The following MARCHF8 variants were observed in gnomAD, a reference collection of about 807,000 sequenced individuals.
MARCHF8 encodes E3 ubiquitin-protein ligase MARCHF8.
A neutral mutation model predicts 51.6 loss-of-function variants in MARCHF8; 40 were observed. That is an observed-to-expected ratio of 0.77 (90% CI 0.60 to 1.01). MARCHF8 has a LOEUF of 1.01. Ranked by LOEUF, MARCHF8 falls within the 50% of genes least tolerant of loss-of-function variation. The pLI is 0.00. For missense variants in MARCHF8, 685 were observed against 708.6 expected, an observed-to-expected ratio of 0.97 and a Z score of 0.38; for synonymous variants, 263 against 280.3, an observed-to-expected ratio of 0.94 and a Z score of 0.62.
chr10:45,546,975 C>G (rs916166550), intron 1 of MARCHF8, among the ~76,000 whole-genome samples: 14 of 152,032 alleles, frequency 9.2e-5, no homozygotes, highest in African/African-American at 3.4e-4. Context: ...GTAGTCCCAG[C>G]TACTTGGGAG....
intron 2 of MARCHF8, among the ~76,000 whole-genome samples, chr10:45,523,185 C>G (rs759263270): frequency 1.1e-4 from 16 of 152,140 alleles, no homozygotes; most frequent in Non-Finnish European, 2.1e-4. Context: ...ACAACGATTA[C>G]AGGACACTAG....
intron 2 of MARCHF8, among the ~76,000 whole-genome samples, chr10:45,511,652 C>T (rs1055075073): frequency 2.0e-5 from 3 of 152,256 alleles, no homozygotes; most frequent in East Asian, 1.9e-4. Context: ...GCGAGTGATC[C>T]GCCAGCCTCG....
At position 45,461,364 on chromosome 10, in the gene MARCHF8, C is replaced by G. The variant is rs1564462521; in HGVS notation, c.1136G>C (p.Cys379Ser). The G allele has an allele frequency of 2.5e-6, 4 of 1,600,900 alleles. No homozygotes were observed. The Admixed American group carries it at 5.2e-5, about 21-fold the overall frequency. Residue 379 changes from cysteine to serine, a missense_variant, in exon 6 of 8, where the codon TGC becomes TCC. By Grantham distance (112) the Cys-to-Ser change is moderately radical. Coordinates refer to ENST00000453424, the MANE Select transcript of MARCHF8 (RefSeq NM_001282866.2). The stretch of plus-strand genomic sequence containing the variant: ...GAAGTGGAGGCTTCCTGTGCAGTGG[C>G]AGGGGGTGATCAGGGGGCTCTCATC... ...GDDESPLITP[C>S]HCTGSLHFVH...
At chr10:45,460,062 A>T (rs1168242358) in intron 6 of MARCHF8, among the ~76,000 whole-genome samples, 1 of 152,176 alleles carries the variant, frequency 6.6e-6, no homozygotes, top group Non-Finnish European at 1.5e-5. Context: ...GGCACCCAAT[A>T]AATTACAAGG....
chr10:45,583,521 TCA>T (rs2044578631), intron 1 of MARCHF8, among the ~76,000 whole-genome samples: 1 of 152,218 alleles, frequency 6.6e-6, no homozygotes, highest in African/African-American at 2.4e-5. Flanking sequence ...CATATATTCT[TCA>T]CACTCATCCC....
intron 1 of MARCHF8, among the ~76,000 whole-genome samples, chr10:45,533,568 C>A (rs1451563263): frequency 6.6e-6 from 1 of 152,100 alleles, no homozygotes. Context: ...TAAAACAAAG[C>A]AGTGCCACCA....
chr10:45,470,496 G>T (rs1843137583), intron 3 of MARCHF8, among the ~76,000 whole-genome samples: 1 of 152,138 alleles, frequency 6.6e-6, no homozygotes, highest in African/African-American at 2.4e-5. Flanking sequence ...ATTCCATTGG[G>T]CCTGTATTTA....
At chr10:45,547,597 A>G (rs548439315) in intron 1 of MARCHF8, among the ~76,000 whole-genome samples, 1 of 152,190 alleles carries the variant, frequency 6.6e-6, no homozygotes, top group African/African-American at 2.4e-5. Context: ...GATCAGGTGA[A>G]CCTAAAATAT....
At chr10:45,551,328 T>G (rs569707765) in intron 1 of MARCHF8, among the ~76,000 whole-genome samples, 8 of 152,148 alleles carry the variant, frequency 5.3e-5, no homozygotes, top group Non-Finnish European at 1.2e-4. Flanking sequence ...AGATTGGGAG[T>G]GGGAAGATAC....
chr10:45,496,772 A>T (rs553656343), intron 2 of MARCHF8, among the ~76,000 whole-genome samples: 21 of 151,894 alleles, frequency 1.4e-4, no homozygotes, highest in Non-Finnish European at 2.4e-4. Context: ...CTGTTAGAAA[A>T]ATATATATAT....
rs555154169 is a variant in MARCHF8 at position 45,529,293 on chromosome 10, A to G, written c.102+3817T>C. On this transcript the variant is annotated intron_variant, in intron 2 of 7. Transcript: ENST00000453424. Reference sequence around the variant, plus strand: ...TGACACTGGACCCATATCTCTCACCATATACAAAAATCAACTTAAGATGGA... The same window carrying G: ...TGACACTGGACCCATATCTCTCACCGTATACAAAAATCAACTTAAGATGGA... 2.0e-5 allele frequency among the ~76,000 whole-genome samples: 3 copies of G among 152,324 alleles called. No homozygotes were observed. The East Asian group carries it at 5.8e-4, about 29-fold the overall frequency.
chr10:45,465,457 T>G (rs1327102043), intron 3 of MARCHF8, among the ~76,000 whole-genome samples: 1 of 152,176 alleles, frequency 6.6e-6, no homozygotes, highest in Non-Finnish European at 1.5e-5. Context: ...GTCCCCACTC[T>G]TTCTAAGTAC....
At chr10:45,559,987 G>C (rs1006158123) in intron 1 of MARCHF8, among the ~76,000 whole-genome samples, 1 of 152,028 alleles carries the variant, frequency 6.6e-6, no homozygotes, top group Non-Finnish European at 1.5e-5. Flanking sequence ...CTTCCTCCCC[G>C]CAACACACAG....
intron 2 of MARCHF8, among the ~76,000 whole-genome samples, chr10:45,512,375 C>T (rs1217404694): frequency 1.9e-4 from 29 of 151,026 alleles, no homozygotes; most frequent in Admixed American, 5.9e-4. Flanking sequence ...CCAGGCCAGC[C>T]GCCCCGTCCA....
chr10:45,481,858 A>C (rs1040666707), intron 3 of MARCHF8, among the ~76,000 whole-genome samples: 2 of 152,352 alleles, frequency 1.3e-5, no homozygotes, highest in African/African-American at 4.8e-5. Context: ...AAAGGCATTC[A>C]AATTGGAAAA....
rs897509811 is a variant in MARCHF8 at position 45,461,001 on chromosome 10, A to T, written c.1269+230T>A. The T allele has an allele frequency of 1.4e-4, 54 of 388,032 alleles. 1 individual carries two copies. The highest frequency in any genetic ancestry group is 9.9e-4 in the African/African-American group (48 of 48,262). 24.0% of individuals were successfully genotyped at this position (388,032 alleles called of 1,614,324 possible). On this transcript the variant is annotated intron_variant, in intron 6 of 7. Transcript: ENST00000453424. ...CTGACACCGACAAGCAAGCAGTCTT[A>T]CTTTGAAGGGAAAAGAAGGATTATG...
At chr10:45,567,182 C>G (rs1001917041) in intron 1 of MARCHF8, among the ~76,000 whole-genome samples, 8 of 152,148 alleles carry the variant, frequency 5.3e-5, no homozygotes, top group African/African-American at 1.7e-4. Context: ...TTATTAAGCC[C>G]TTGCCAGCTG....
intron 1 of MARCHF8, among the ~76,000 whole-genome samples, chr10:45,572,487 C>T (rs768693781): frequency 2.6e-5 from 4 of 152,180 alleles, no homozygotes; most frequent in Non-Finnish European, 4.4e-5. Flanking sequence ...TGCCACTTAA[C>T]CCCAATACAA....
chr10:45,533,674 T>C (rs2043927174), intron 1 of MARCHF8, among the ~76,000 whole-genome samples: 1 of 152,228 alleles, frequency 6.6e-6, no homozygotes, highest in Admixed American at 6.5e-5. Flanking sequence ...AAAACCACTG[T>C]CTGTGAGTCC....
Sources: gnomAD v4.1 joint callset for allele counts (sites outside exome capture counted in the v4.1 genomes callset) on GRCh38, gnomAD v4.1.1 for gene constraint, MANE v1.5 for transcripts, NCBI Gene and HGNC (gene_info 2026-07-23, HGNC 2026-07-21) for gene names.